Variants in GPR176 observed in about 807,000 individuals in gnomAD.
The protein encoded by GPR176 is G-protein coupled receptor 176.
GPR176 carries 26 observed loss-of-function variants against 35.4 expected under a neutral mutation model. That is an observed-to-expected ratio of 0.74 (90% CI 0.54 to 1.02). The LOEUF (loss-of-function observed/expected upper bound fraction) is 1.02, where lower values mean the gene tolerates loss of function less well. GPR176 is among the 50% of genes least tolerant of loss of function. The pLI, the probability that GPR176 is intolerant of heterozygous loss-of-function variation, is 0.00. For synonymous variants in GPR176, 278 were observed against 271.3 expected (o/e 1.02, Z -0.24); for missense variants, 597 against 665.3 (o/e 0.90, Z 1.13).
chr15:39,841,225 G>A (rs1414093373), intron 1 of GPR176, among the ~76,000 whole-genome samples: 1 of 152,110 alleles, frequency 6.6e-6, no homozygotes, highest in African/African-American at 2.4e-5. Context: ...GCTTGACAAT[G>A]GTCATAATAA....
At chr15:39,845,341 A>G (rs1415588964) in intron 1 of GPR176, among the ~76,000 whole-genome samples, 1 of 152,028 alleles carries the variant, frequency 6.6e-6, no homozygotes, top group Non-Finnish European at 1.5e-5. Flanking sequence ...CCATTTAAGG[A>G]GTTTAAACTC....
At chr15:39,834,047 T>C (rs1901252579) in intron 1 of GPR176, among the ~76,000 whole-genome samples, 2 of 152,226 alleles carry the variant, frequency 1.3e-5, no homozygotes, top group African/African-American at 4.8e-5. Context: ...CCATTTTCTA[T>C]TAATTCTCCG....
At chr15:39,811,712 CA>C (rs1301217055) in intron 1 of GPR176, among the ~76,000 whole-genome samples, 1 of 152,020 alleles carries the variant, frequency 6.6e-6, no homozygotes, top group Non-Finnish European at 1.5e-5. Flanking sequence ...GTCAGGAGAT[CA>C]AGACCATCCT....
intron 1 of GPR176, among the ~76,000 whole-genome samples, chr15:39,816,406 G>A (rs1242536195): frequency 6.6e-6 from 1 of 151,874 alleles, no homozygotes; most frequent in Admixed American, 6.6e-5. Context: ...TTTTGTCAAT[G>A]AAAAATATTT....
At chr15:39,896,149 G>A (rs988592089) in intron 1 of GPR176, among the ~76,000 whole-genome samples, 65 of 152,048 alleles carry the variant, frequency 4.3e-4, no homozygotes, top group Non-Finnish European at 7.4e-4. Context: ...GGAACCTCTG[G>A]GTTCAAGCAA....
rs1055295859 is a variant in GPR176 at position 39,825,640 on chromosome 15, C to CA, written c.173-18383dup. On this transcript the variant is annotated intron_variant, in intron 1 of 2. Transcript: ENST00000561100. ...GTTCATGGGTTTTTGCCATTATAAA[C>CA]AAAAAAAATTGTATATAAATATGCT... Among the ~76,000 whole-genome samples, 12 of 151,756 alleles carry CA rather than the reference C, an allele frequency of 7.9e-5. No homozygotes were observed. The South Asian group carries it at 1.2e-3, about 16-fold the overall frequency.
At chr15:39,802,721 T>A in intron 2 of GPR176, among the ~76,000 whole-genome samples, 1 of 152,204 alleles carries the variant, frequency 6.6e-6, no homozygotes, top group East Asian at 1.9e-4. Context: ...AGAAATAAGT[T>A]TGTCTACACA....
At chr15:39,812,433 A>AT (rs752943269) in intron 1 of GPR176, among the ~76,000 whole-genome samples, 18 of 152,310 alleles carry the variant, frequency 1.2e-4, no homozygotes, top group Admixed American at 2.6e-4. Context: ...CTGCCCTTAA[A>AT]TATCAGAATC....
chr15:39,864,750 C>A (rs1195168923), intron 1 of GPR176, among the ~76,000 whole-genome samples: 1 of 151,972 alleles, frequency 6.6e-6, no homozygotes, highest in East Asian at 1.9e-4. Context: ...AGTGAACAGA[C>A]AACCTGCAGA....
chr15:39,886,938 A>G (rs887541918), intron 1 of GPR176, among the ~76,000 whole-genome samples: 1 of 152,214 alleles, frequency 6.6e-6, no homozygotes, highest in Admixed American at 6.5e-5. Context: ...TCCAGCATCA[A>G]GCAGTCTGCA....
chr15:39,881,578 CA>C lies in GPR176; in HGVS notation c.172+38276del, dbSNP rs1193820315. ...TTCTTAATAATCATCACACTCACCA[CA>C]ATCTTAAAAGCAGTACTGAGTGCAA... On this transcript the variant is annotated intron_variant, in intron 1 of 2. Coordinates refer to ENST00000561100, the MANE Select transcript of GPR176 (RefSeq NM_007223.3). Among the ~76,000 whole-genome samples, 14 of 152,322 alleles carry C rather than the reference CA, an allele frequency of 9.2e-5. No individual in the cohort carries two copies. The East Asian group carries it at 2.5e-3, about 27-fold the overall frequency.
chr15:39,863,885 T>C (rs2031716316), intron 1 of GPR176, among the ~76,000 whole-genome samples: 1 of 152,196 alleles, frequency 6.6e-6, no homozygotes, highest in African/African-American at 2.4e-5. Flanking sequence ...TAATGACACA[T>C]TTATCAAAAT....
intron 1 of GPR176, among the ~76,000 whole-genome samples, chr15:39,809,527 T>G (rs919471742): frequency 6.6e-6 from 1 of 152,222 alleles, no homozygotes; most frequent in Non-Finnish European, 1.5e-5. Context: ...TCATTATATA[T>G]TTAAGTAACA....
intron 1 of GPR176, among the ~76,000 whole-genome samples, chr15:39,812,039 T>C (rs1421684573): frequency 6.6e-6 from 1 of 152,272 alleles, no homozygotes; most frequent in East Asian, 1.9e-4. Context: ...GCTGATTATT[T>C]ATACTTCTTT....
At position 39,920,037 on chromosome 15, in the gene GPR176, G is replaced by A. The variant is rs1195780879; in HGVS notation, c.-11C>T. On this transcript the variant is annotated 5_prime_UTR_variant, in exon 1 of 3. Transcript: ENST00000561100. Reference sequence around the variant, plus strand: ...CCCGTTATGTCCCATGGCGAGGCTGGGACTCCGGCTCCGCGCGCCGCCCGC... The same window carrying A: ...CCCGTTATGTCCCATGGCGAGGCTGAGACTCCGGCTCCGCGCGCCGCCCGC... 23 of 1,311,624 alleles carry A rather than the reference G, an allele frequency of 1.8e-5. No homozygotes were observed. The highest frequency in any genetic ancestry group is 2.2e-5 in the Non-Finnish European group (23 of 1,023,902). 81.2% of individuals were successfully genotyped at this position (1,311,624 alleles called of 1,614,324 possible).
At chr15:39,845,539 A>T (rs1203985118) in intron 1 of GPR176, among the ~76,000 whole-genome samples, 1 of 151,746 alleles carries the variant, frequency 6.6e-6, no homozygotes, top group East Asian at 1.9e-4. Flanking sequence ...AAAAACACTG[A>T]TGCCTGGGCC....
At position 39,801,972 on chromosome 15, in the gene GPR176, C is replaced by T. The variant is rs1419319362; in HGVS notation, c.708G>A (p.Gln236=). The T allele has an allele frequency of 1.2e-6, 2 of 1,614,146 alleles. No homozygotes were observed. Among genetic ancestry groups the T allele is most frequent in the Non-Finnish European group, 1.7e-6 (2 of 1,180,026 alleles). ...GCGCTGCTATGATGACCTTCTTCTT[C>T]TGGCTGGCACTCAGGGCCCGTCGGA... ...ILIRRALSAS[Q]KKKVIIAALR... Residue 236 remains glutamine (Q), a synonymous_variant, in exon 3 of 3, where the codon CAG becomes CAA. Coordinates refer to ENST00000561100, the MANE Select transcript of GPR176 (RefSeq NM_007223.3).
intron 1 of GPR176, among the ~76,000 whole-genome samples, chr15:39,869,237 C>T (rs915328761): frequency 1.3e-5 from 2 of 150,970 alleles, no homozygotes; most frequent in African/African-American, 2.4e-5. Flanking sequence ...TTAAAAAGGA[C>T]TCTATCATGG....
At chr15:39,807,868 G>A (rs1899300899) in intron 1 of GPR176, among the ~76,000 whole-genome samples, 2 of 152,164 alleles carry the variant, frequency 1.3e-5, no homozygotes, top group African/African-American at 4.8e-5. Context: ...ATCTCAGTTT[G>A]CACTAGTCAC....
Sources: gnomAD v4.1 joint callset for allele counts (sites outside exome capture counted in the v4.1 genomes callset) on GRCh38, gnomAD v4.1.1 for gene constraint, MANE v1.5 for transcripts, NCBI Gene and HGNC (gene_info 2026-07-23, HGNC 2026-07-21) for gene names.